The following ASPH variants were observed in gnomAD, a reference collection of about 807,000 sequenced individuals.
ASPH encodes aspartate beta-hydroxylase.
In ASPH, 100 loss-of-function variants were observed where a neutral mutation model predicts 118.4. The ratio of observed to expected loss-of-function variants is 0.84; its 90% CI spans 0.72 to 1.00. The LOEUF is 1.00. Ranked by LOEUF, ASPH falls within the 50% of genes least tolerant of loss-of-function variation. The probability of loss-of-function intolerance (pLI) is 0.00; values close to 1 mark genes in which losing one functional copy is unlikely to be tolerated. For missense variants in ASPH, 920 were observed against 919.5 expected (o/e 1.00, Z -0.01); for synonymous variants, 315 against 325.6 (o/e 0.97, Z 0.35).
At chr8:61,581,731 A>C in intron 15 of ASPH, among the ~76,000 whole-genome samples, 1 of 152,192 alleles carries the variant, frequency 6.6e-6, no homozygotes, top group Non-Finnish European at 1.5e-5. Context: ...GTATTTGATT[A>C]CATTTTCTTT....
intron 19 of ASPH, among the ~76,000 whole-genome samples, chr8:61,554,587 G>GTGGCCACATTTCAGGTGCTCAA (rs1295415549): frequency 2.0e-5 from 3 of 152,186 alleles, no homozygotes; most frequent in Non-Finnish European, 4.4e-5. Flanking sequence ...CTCAGTCCCA[G>GTGGCCACATTTCAGGTGCTCAA]TGGCCACATT....
intron 1 of ASPH, among the ~76,000 whole-genome samples, chr8:61,713,009 T>C (rs1402511655): frequency 6.6e-6 from 1 of 152,242 alleles, no homozygotes; most frequent in Non-Finnish European, 1.5e-5. Flanking sequence ...AGGCAATTAA[T>C]CTATCCCTCT....
In ASPH at chr8:61,553,771, G is replaced by A. The variant is rs976427213; in HGVS notation, c.1537-651C>T. 3.3e-5 allele frequency among the ~76,000 whole-genome samples: 5 copies of A among 152,056 alleles called. No homozygotes were observed. The East Asian group carries it at 9.6e-4, about 29-fold the overall frequency. On this transcript the variant is annotated intron_variant, in intron 19 of 24. Coordinates refer to ENST00000379454, the MANE Select transcript of ASPH (RefSeq NM_004318.4). Reference sequence around the variant, plus strand: ...AACCCCATTCCCGTCCCCACAAAGAGAAAAGAGAAAATATTAAAGCAACAG... The same window carrying A: ...AACCCCATTCCCGTCCCCACAAAGAAAAAAGAGAAAATATTAAAGCAACAG...
chr8:61,565,642 ACT>A, intron 17 of ASPH, among the ~76,000 whole-genome samples: 1 of 16,546 alleles, frequency 6.0e-5, no homozygotes, highest in African/African-American at 2.0e-4. Flanking sequence ...AGTGATCTAC[ACT>A]AAACAGCTAA....
intron 21 of ASPH, among the ~76,000 whole-genome samples, chr8:61,527,597 G>C (rs1815889995): frequency 6.6e-6 from 1 of 152,198 alleles, no homozygotes; most frequent in Admixed American, 6.5e-5. Context: ...AATGAGATGT[G>C]GGGAGGCCAA....
chr8:61,589,730 C>T (rs892545290), intron 14 of ASPH, among the ~76,000 whole-genome samples: 5 of 152,278 alleles, frequency 3.3e-5, no homozygotes, highest in African/African-American at 1.2e-4. Context: ...TGTTTATTCA[C>T]TCAAGAATTT....
chr8:61,557,597 G>A (rs568977121), intron 18 of ASPH, among the ~76,000 whole-genome samples: 53 of 152,154 alleles, frequency 3.5e-4, no homozygotes, highest in Admixed American at 3.3e-4. Context: ...ACTTATCACC[G>A]TCTGACCTAG....
chr8:61,539,630 CCAATTATTA>C (rs1019406885), intron 21 of ASPH, among the ~76,000 whole-genome samples: 1 of 150,886 alleles, frequency 6.6e-6, no homozygotes, highest in Non-Finnish European at 1.5e-5. Context: ...CCGGCTGTGA[CCAATTATTA>C]CTTTAGAGAA....
intron 3 of ASPH, chr8:61,659,409 G>A (rs1815552275): frequency 6.6e-6 from 1 of 152,172 alleles, no homozygotes; most frequent in Non-Finnish European, 1.5e-5. Flanking sequence ...CAAGAGAAGT[G>A]ATACATAAGG....
chr8:61,556,218 C>G (rs1827813892), intron 18 of ASPH, among the ~76,000 whole-genome samples, 196 bp from the exon 19 acceptor site: 1 of 152,196 alleles, frequency 6.6e-6, no homozygotes, highest in Non-Finnish European at 1.5e-5. Flanking sequence ...CATTTCCTCT[C>G]AACTCAATAT....
At chr8:61,640,029 A>C (rs1382135685) in intron 10 of ASPH, among the ~76,000 whole-genome samples, 1 of 152,134 alleles carries the variant, frequency 6.6e-6, no homozygotes, top group Non-Finnish European at 1.5e-5. Context: ...CTTGGTTTAA[A>C]CTATCATATC....
Position 61,518,070 on chromosome 8 carries a change from C to T in ASPH, c.1954G>A (p.Glu652Lys), listed in dbSNP as rs140478604. ...KGAPKTCTLL[E>K]KFPETTGCRR... ...CATCCTGTTGTCTCGGGGAACTTTT[C>T]TAGTAAGGTACAGGTTTTAGGAGCT... The change falls in exon 23 of 25, where the codon GAA (glutamate) becomes AAA (lysine). Residue 652 changes from glutamate to lysine, a missense_variant. Coordinates refer to ENST00000379454, the MANE Select transcript of ASPH (RefSeq NM_004318.4). 5.6e-6 allele frequency: 9 copies of T among 1,613,854 alleles called. No homozygotes were observed. Among genetic ancestry groups the T allele is most frequent in the Non-Finnish European group, 7.6e-6 (9 of 1,179,918 alleles).
At chr8:61,671,811 T>C (rs1351991936) in intron 3 of ASPH, among the ~76,000 whole-genome samples, 1 of 152,264 alleles carries the variant, frequency 6.6e-6, no homozygotes, top group Non-Finnish European at 1.5e-5. Flanking sequence ...ATGTTCTCTA[T>C]GAAATTAAAA....
intron 3 of ASPH, among the ~76,000 whole-genome samples, chr8:61,679,963 A>C (rs866731161): frequency 0.089 from 13,258 of 148,322 alleles, 749 homozygotes; most frequent in Non-Finnish European, 0.13. Context: ...AAAAAACAAA[A>C]AACACCAACA....
chr8:61,619,487 G>T (rs1850150422), intron 13 of ASPH, among the ~76,000 whole-genome samples: 2 of 152,294 alleles, frequency 1.3e-5, no homozygotes, highest in Non-Finnish European at 1.5e-5. Flanking sequence ...GCTACTCTAA[G>T]GACTTCACAT....
chr8:61,599,919 T>C (rs1843485015), intron 14 of ASPH, among the ~76,000 whole-genome samples: 1 of 152,184 alleles, frequency 6.6e-6, no homozygotes, highest in Non-Finnish European at 1.5e-5. Context: ...AGGACAGCAT[T>C]GCCCTGATAC....
In ASPH at chr8:61,670,474, T is replaced by C. The variant is rs373100995; in HGVS notation, c.322+10494A>G. 2.3e-3 allele frequency among the ~76,000 whole-genome samples: 355 copies of C among 152,016 alleles called. 1 individual carries two copies. The highest frequency in any genetic ancestry group is 6.6e-3 in the Admixed American group (100 of 15,256). On this transcript the variant is annotated intron_variant, in intron 3 of 24. Transcript: ENST00000379454. The stretch of plus-strand genomic sequence containing the variant: ...GTCATGCCACAGTGATGAGAAAACA[T>C]AGGTGGAAGGAAAGGTGACCAAAAA...
chr8:61,565,538 C>A (rs1831388955), intron 17 of ASPH, among the ~76,000 whole-genome samples: 1 of 152,158 alleles, frequency 6.6e-6, no homozygotes, highest in Admixed American at 6.6e-5. Context: ...GGGAAGAAAA[C>A]ATCTCCATAA....
In ASPH at chr8:61,654,803, C is replaced by T. The variant is rs1563411481; in HGVS notation, c.323-1143G>A. 3.9e-5 allele frequency among the ~76,000 whole-genome samples: 6 copies of T among 152,140 alleles called. No individual in the cohort carries two copies. The East Asian group carries it at 1.2e-3, about 29-fold the overall frequency. On this transcript the variant is annotated intron_variant, in intron 3 of 24. Transcript: ENST00000379454. Reference sequence around the variant, plus strand: ...AAACTCACCACTAGTACACCTGACACCAACACATACAGTTGTGTTCTATAC... The same window carrying T: ...AAACTCACCACTAGTACACCTGACATCAACACATACAGTTGTGTTCTATAC...
Sources: allele counts gnomAD v4.1 joint callset (sites outside exome capture counted in the v4.1 genomes callset), GRCh38; gene constraint gnomAD v4.1.1; transcripts MANE v1.5; gene names NCBI Gene and HGNC (gene_info 2026-07-23, HGNC 2026-07-21).